SORCS2: variants seen among roughly 807,000 people sequenced by gnomAD.
SORCS2 encodes the protein sortilin related VPS10 domain containing receptor 2.
A neutral mutation model predicts 141.6 loss-of-function variants in SORCS2; 100 were observed. That is an observed-to-expected ratio of 0.71 (90% CI 0.60 to 0.83). SORCS2 has a LOEUF of 0.83. Among genes scored for constraint, SORCS2 ranks in the 40% least tolerant of loss-of-function variants. The pLI, the probability that SORCS2 is intolerant of heterozygous loss-of-function variation, is 0.00. For missense variants in SORCS2, 1,646 were observed against 1,560.2 expected, an observed-to-expected ratio of 1.05 and a Z score of -0.93; for synonymous variants, 789 against 676.9, an observed-to-expected ratio of 1.17 and a Z score of -2.57.
intron 25 of SORCS2, among the ~76,000 whole-genome samples, chr4:7,735,240 C>T (rs1712074195): frequency 6.6e-6 from 1 of 152,246 alleles, no homozygotes; most frequent in South Asian, 2.1e-4. Flanking sequence ...CCTTGAGGAT[C>T]ATCAAATGCC....
At chr4:7,600,350 C>G (rs758622392) in intron 3 of SORCS2, among the ~76,000 whole-genome samples, 3 of 152,206 alleles carry the variant, frequency 2.0e-5, no homozygotes, top group South Asian at 4.1e-4. Flanking sequence ...GGAACCCCCA[C>G]AGCGTGGAGG....
intron 9 of SORCS2, among the ~76,000 whole-genome samples, chr4:7,680,789 C>T (rs1723481614): frequency 1.3e-5 from 2 of 152,200 alleles, no homozygotes; most frequent in South Asian, 2.1e-4. Flanking sequence ...GCCCTGCCCC[C>T]CAACTCCCAC....
intron 1 of SORCS2, among the ~76,000 whole-genome samples, chr4:7,240,792 G>A (rs1319836037): frequency 6.6e-6 from 1 of 152,240 alleles, no homozygotes; most frequent in Non-Finnish European, 1.5e-5. Flanking sequence ...CTGTGGTGCT[G>A]TCTCCAAAAC....
chr4:7,716,293 C>T (rs1726181618), intron 17 of SORCS2, among the ~76,000 whole-genome samples: 2 of 152,308 alleles, frequency 1.3e-5, no homozygotes, highest in South Asian at 2.1e-4. Flanking sequence ...AGGCTTTGGC[C>T]TCACCAGCAT....
chr4:7,618,037 T>G (rs1718883880), intron 3 of SORCS2, among the ~76,000 whole-genome samples: 1 of 151,814 alleles, frequency 6.6e-6, no homozygotes, highest in African/African-American at 2.4e-5. Flanking sequence ...TCCCCAGCCC[T>G]GATGCCCCAA....
intron 2 of SORCS2, among the ~76,000 whole-genome samples, chr4:7,463,079 C>G (rs1278398468): frequency 2.6e-5 from 4 of 152,012 alleles, no homozygotes; most frequent in African/African-American, 4.8e-5. Flanking sequence ...TTCTTGTTAT[C>G]ATCCTCATTG....
chr4:7,601,553 A>G (rs1445807473), intron 3 of SORCS2, among the ~76,000 whole-genome samples: 3 of 141,990 alleles, frequency 2.1e-5, no homozygotes, highest in Admixed American at 1.5e-4. Flanking sequence ...AAGGAGCCAC[A>G]GGTTGCAGCG....
At chr4:7,661,374 G>A (rs1411999864) in intron 5 of SORCS2, 126 bp from the exon 6 acceptor site, 77 of 951,096 alleles carry the variant, frequency 8.1e-5, no homozygotes, top group East Asian at 1.9e-4. Context: ...GATGCCCTCC[G>A]GACCCACAGA....
At chr4:7,562,381 T>C (rs1714662342) in intron 3 of SORCS2, among the ~76,000 whole-genome samples, 1 of 151,716 alleles carries the variant, frequency 6.6e-6, no homozygotes, top group African/African-American at 2.4e-5. Flanking sequence ...GAGTGGTGGC[T>C]ACAAGGAGGA....
rs78534356 is a variant in SORCS2, at chr4:7,331,839, C to T, written c.481-64449C>T. Among the ~76,000 whole-genome samples, 279 of 152,254 alleles carry T rather than the reference C, an allele frequency of 1.8e-3. 6 individuals are homozygous for T. In the East Asian group the frequency reaches 0.047, roughly 26 times the overall value. ...ACCCCTGCTGGGAGGATGGCAGGCG[C>T]CCCAAGTGACAGGTGGGGACACTGA... On this transcript the variant is annotated intron_variant, in intron 1 of 26. Coordinates refer to ENST00000507866, the MANE Select transcript of SORCS2 (RefSeq NM_020777.3).
At chr4:7,554,363 C>A (rs990627129) in intron 3 of SORCS2, among the ~76,000 whole-genome samples, 3 of 152,094 alleles carry the variant, frequency 2.0e-5, no homozygotes, top group East Asian at 3.9e-4. Context: ...GAGTATAGAC[C>A]ACATAAGTGA....
At chr4:7,509,128 A>T (rs1732454657) in intron 2 of SORCS2, among the ~76,000 whole-genome samples, 1 of 152,186 alleles carries the variant, frequency 6.6e-6, no homozygotes, top group Non-Finnish European at 1.5e-5. Context: ...AGAGTCAGTT[A>T]CACGTGGCGG....
intron 2 of SORCS2, among the ~76,000 whole-genome samples, chr4:7,502,171 C>T (rs548966645): frequency 2.0e-5 from 3 of 152,316 alleles, no homozygotes; most frequent in East Asian, 1.9e-4. Flanking sequence ...GAGGAGGTGG[C>T]CTCTAGACGG....
At chr4:7,654,660 C>T (rs965940353) in intron 5 of SORCS2, among the ~76,000 whole-genome samples, 4 of 152,174 alleles carry the variant, frequency 2.6e-5, no homozygotes, top group Non-Finnish European at 4.4e-5. Flanking sequence ...CCGTGGGTGC[C>T]GACCCGGCCT....
chr4:7,277,050 C>G (rs975062142), intron 1 of SORCS2, among the ~76,000 whole-genome samples: 2 of 146,806 alleles, frequency 1.4e-5, no homozygotes, highest in Admixed American at 7.4e-5. Flanking sequence ...TGTCCAGCCC[C>G]AGGACAGGAG....
chr4:7,553,351 C>T (rs1424949668), intron 3 of SORCS2, among the ~76,000 whole-genome samples: 2 of 152,084 alleles, frequency 1.3e-5, no homozygotes, highest in Non-Finnish European at 2.9e-5. Flanking sequence ...AAAAAGGAAA[C>T]ATTCTGTATA....
chr4:7,416,704 TCA>T (rs1324707284), intron 2 of SORCS2, among the ~76,000 whole-genome samples: 5 of 133,054 alleles, frequency 3.8e-5, no homozygotes, highest in South Asian at 2.7e-4. Flanking sequence ...ATGCACTCAC[TCA>T]CACTTGTGCA....
intron 25 of SORCS2, among the ~76,000 whole-genome samples, chr4:7,734,958 A>G (rs1218331289): frequency 1.3e-5 from 2 of 152,082 alleles, no homozygotes; most frequent in East Asian, 3.9e-4. Context: ...GTCTATTGGG[A>G]GGGGCTTTCA....
chr4:7,408,838 C>T (rs562424021), intron 2 of SORCS2, among the ~76,000 whole-genome samples: 43 of 151,926 alleles, frequency 2.8e-4, no homozygotes, highest in Non-Finnish European at 5.6e-4. Context: ...TTCAAATAGC[C>T]TGTCTTTAAG....
Sources: gnomAD v4.1 joint callset for allele counts (sites outside exome capture counted in the v4.1 genomes callset) on GRCh38, gnomAD v4.1.1 for gene constraint, MANE v1.5 for transcripts, NCBI Gene and HGNC (gene_info 2026-07-23, HGNC 2026-07-21) for gene names.